Variants in TAC4 observed in about 807,000 individuals in gnomAD.
TAC4 encodes the protein tachykinin-4.
TAC4 carries 17 observed loss-of-function variants against 17.7 expected under a neutral mutation model. The ratio of observed to expected loss-of-function variants is 0.96; its 90% CI spans 0.66 to 1.44. TAC4 has a LOEUF of 1.44. Among genes scored for constraint, TAC4 ranks in the 40% most tolerant of loss-of-function variants. TAC4 has a pLI of 0.00. For missense variants in TAC4, 118 were observed against 125.6 expected, an observed-to-expected ratio of 0.94 and a Z score of 0.29; for synonymous variants, 62 against 52.4, an observed-to-expected ratio of 1.18 and a Z score of -0.79.
In TAC4 at chr17:49,841,901, C is replaced by CTTT. The variant is rs1161302297; in HGVS notation, c.200-320_200-318dup. Among the ~76,000 whole-genome samples the CTTT allele has an allele frequency of 2.8e-3, 273 of 99,112 alleles. 5 individuals carry two copies. Among genetic ancestry groups the CTTT allele is most frequent in the African/African-American group, 6.9e-3 (176 of 25,404 alleles). The allele number at this position is 99,112 out of a possible 152,430, so 65.0% of individuals were successfully genotyped here. A position where few individuals can be genotyped will look rare whatever the true frequency, so the allele number is the denominator to read the frequency against. ...GGGGATATTATTGTGGAGATTTAAT[C>CTTT]TTTTTTTTTTTTTTTTTTTTTTTTG... On this transcript the variant is annotated intron_variant, in intron 2 of 4. Transcript: ENST00000436235.
rs745532792 is a variant in TAC4, at chr17:49,848,005, G to T, written c.13C>A (p.Leu5Ile). 2 of 1,614,152 alleles carry T rather than the reference G, an allele frequency of 1.2e-6. No individual in the cohort carries two copies. Among genetic ancestry groups the T allele is most frequent in the South Asian group, 2.2e-5 (2 of 91,082 alleles). ...AGCTCCATCAGGAGAAGCAGGGCGA[G>T]GCAAGGCAGCATGGTGAGCCTGCAC... MLPCLALLLLMELSV... is the reference protein window; with the variant it reads MLPCIALLLLMELSV... Residue 5 changes from leucine (L) to isoleucine (I), a missense_variant, in exon 1 of 5, where the codon CTC becomes ATC. Coordinates refer to ENST00000436235, the MANE Select transcript of TAC4 (RefSeq NM_001077506.2).
chr17:49,840,354 G>T (rs955816384), intron 3 of TAC4, among the ~76,000 whole-genome samples: 1 of 152,154 alleles, frequency 6.6e-6, no homozygotes, highest in African/African-American at 2.4e-5. Flanking sequence ...GTCTGTGTAC[G>T]GCAGGCAGTC....
chr17:49,842,830 T>A (rs1031932963), intron 2 of TAC4, among the ~76,000 whole-genome samples: 3 of 152,230 alleles, frequency 2.0e-5, no homozygotes, highest in African/African-American at 7.2e-5. Flanking sequence ...TATCTGTGTG[T>A]ATGTCGTTTT....
At chr17:49,838,995 C>T (rs148451489) in intron 4 of TAC4, among the ~76,000 whole-genome samples, 19 of 152,210 alleles carry the variant, frequency 1.2e-4, no homozygotes, top group East Asian at 3.9e-4. Context: ...GCTCTGTTAT[C>T]GGCTCACTGT....
At chr17:49,841,672 G>A (rs901005141) in intron 2 of TAC4, 88 bp from the exon 3 acceptor site, 2 of 1,363,980 alleles carry the variant, frequency 1.5e-6, no homozygotes, top group Non-Finnish European at 9.8e-7. Flanking sequence ...TTCTTTGAGG[G>A]TTGGTGCATT....
intron 3 of TAC4, 99 bp downstream of exon 3, chr17:49,841,452 TG>T: frequency 7.7e-7 from 1 of 1,302,348 alleles, no homozygotes; most frequent in Non-Finnish European, 1.0e-6. Context: ...GGCTTGCCCC[TG>T]GCCAGAGCAT....
chr17:49,844,850 C>T (rs916311306), intron 1 of TAC4, among the ~76,000 whole-genome samples: 15 of 152,182 alleles, frequency 9.9e-5, no homozygotes, highest in African/African-American at 3.4e-4. Context: ...TGAAACACTG[C>T]AGTCATAATC....
Position 49,848,061 on chromosome 17 carries a change from CT to C in TAC4, c.-45del, listed in dbSNP as rs1239369821. On this transcript the variant is annotated 5_prime_UTR_variant, in exon 1 of 5. Transcript: ENST00000436235. ...TGGAATCTCTGGGAGCCCCTCTCAGCTTGAAGATGCCTCCTGCAGGCTTTGG... is the reference window on the plus strand; with the variant it reads ...TGGAATCTCTGGGAGCCCCTCTCAGCTGAAGATGCCTCCTGCAGGCTTTGG... The C allele has an allele frequency of 6.2e-7, 1 of 1,609,150 alleles. No individual in the cohort carries two copies. The highest frequency in any genetic ancestry group is 1.7e-5 in the Admixed American group (1 of 59,804).
intron 1 of TAC4, among the ~76,000 whole-genome samples, chr17:49,846,483 C>T (rs1224898384): frequency 6.6e-6 from 1 of 152,084 alleles, no homozygotes; most frequent in Admixed American, 6.6e-5. Context: ...TTCTATGTTG[C>T]CCAGGCTGAT....
intron 3 of TAC4, among the ~76,000 whole-genome samples, chr17:49,840,322 C>G (rs1262616155): frequency 6.6e-6 from 1 of 152,058 alleles, no homozygotes; most frequent in Non-Finnish European, 1.5e-5. Flanking sequence ...CAGGGTCGCA[C>G]TAGGCCATGG....
chr17:49,841,435 C>A, intron 3 of TAC4, 117 bp downstream of exon 3: 1 of 1,118,696 alleles, frequency 8.9e-7, no homozygotes, highest in Non-Finnish European at 1.2e-6. Flanking sequence ...CACAGCAATG[C>A]CAGCCTGGCT....
chr17:49,839,702 A>T (rs1473171658), intron 4 of TAC4, 148 bp downstream of exon 4: 3 of 674,796 alleles, frequency 4.4e-6, no homozygotes, highest in Admixed American at 3.1e-5. Flanking sequence ...ACCTCCTTGC[A>T]CTCGACTGCC....
chr17:49,847,517 C>CA (rs1472373637), intron 1 of TAC4: 1 of 345,282 alleles, frequency 2.9e-6, no homozygotes, highest in Non-Finnish European at 5.6e-6. Flanking sequence ...CTTGGACAAA[C>CA]TACTTGACTT....
rs1200424221 is a variant in TAC4, at chr17:49,841,550, A to G, written c.232+2T>C. On this transcript the variant is annotated splice_donor_variant, in intron 3 of 4. Transcript: ENST00000436235. LOFTEE classifies it high-confidence loss of function. ...TTGAAGGCAGGTTTGGGCAATACTT[A>G]CCTTTTTTTCTCCTTGGCTGGATCA... 4 of 1,581,880 alleles carry G rather than the reference A, an allele frequency of 2.5e-6. No individual in the cohort carries two copies. Among genetic ancestry groups the G allele is most frequent in the African/African-American group, 1.4e-5 (1 of 72,754 alleles).
intron 3 of TAC4, 29 bp from the exon 4 acceptor site, chr17:49,839,938 GAGAGAGGCAGC>G: frequency 6.2e-7 from 1 of 1,609,978 alleles, no homozygotes; most frequent in Non-Finnish European, 8.5e-7. Context: ...AGTGGTAGAG[GAGAGAGGCAGC>G]AGAGGTAGGC....
In TAC4 at chr17:49,844,068, C is replaced by G; in HGVS notation, c.195G>C (p.Val65=). The G allele has an allele frequency of 6.2e-7, 1 of 1,611,000 alleles. No homozygotes were observed. The highest frequency in any genetic ancestry group is 8.5e-7 in the Non-Finnish European group (1 of 1,179,632). Residue 65 remains valine, a synonymous_variant, in exon 2 of 5, where the codon GTG becomes GTC. Coordinates refer to ENST00000436235, the MANE Select transcript of TAC4 (RefSeq NM_001077506.2). The part of the protein sequence containing the change: ...SQFFGLMGKR[V]GGRPLIQPRR... ...TCCATTGTCATTGTCACTCACCTCC[C>G]ACTCGCTTCCCCATCAGCCCAAAGA...
intron 1 of TAC4, among the ~76,000 whole-genome samples, chr17:49,845,387 G>GGGCTT (rs1017917785): frequency 2.6e-4 from 39 of 152,258 alleles, no homozygotes; most frequent in African/African-American, 8.9e-4. Context: ...TTCTGAACTG[G>GGGCTT]GGCTTGCTCA....
intron 3 of TAC4, among the ~76,000 whole-genome samples, chr17:49,841,176 G>T (rs927010489): frequency 2.6e-5 from 4 of 151,352 alleles, no homozygotes; most frequent in Non-Finnish European, 1.5e-5. Flanking sequence ...ATGAGCCACT[G>T]CCTGGTCCAG....
intron 1 of TAC4, chr17:49,846,386 C>A: frequency 2.2e-6 from 1 of 456,456 alleles, no homozygotes; most frequent in South Asian, 2.0e-5. Context: ...CAGTGATCCT[C>A]CCGCCTCAGC....
Sources: allele counts gnomAD v4.1 joint callset (sites outside exome capture counted in the v4.1 genomes callset), GRCh38; gene constraint gnomAD v4.1.1; transcripts MANE v1.5; gene names NCBI Gene and HGNC (gene_info 2026-07-23, HGNC 2026-07-21).